The following DGAT2 variants were observed in gnomAD, a reference collection of about 807,000 sequenced individuals.
The protein encoded by DGAT2 is diacylglycerol O-acyltransferase 2.
A neutral mutation model predicts 48.4 loss-of-function variants in DGAT2; 33 were observed. The ratio of observed to expected loss-of-function variants is 0.68; its 90% CI spans 0.52 to 0.91. DGAT2 has a LOEUF of 0.91. Ranked by LOEUF, DGAT2 falls within the 40% of genes least tolerant of loss-of-function variation. The pLI is 0.00. For synonymous variants in DGAT2, 191 were observed against 194.1 expected (o/e 0.98, Z 0.13); for missense variants, 446 against 493.7 (o/e 0.90, Z 0.92).
At chr11:75,798,155 A>G in intron 6 of DGAT2, 72 bp from the exon 7 acceptor site, 1 of 1,522,924 alleles carries the variant, frequency 6.6e-7, no homozygotes, top group Non-Finnish European at 9.0e-7. Context: ...GCCAGTGTCC[A>G]GGGCCTCTAG....
chr11:75,788,275 G>A (rs1490336249), intron 2 of DGAT2, among the ~76,000 whole-genome samples: 4 of 152,170 alleles, frequency 2.6e-5, no homozygotes, highest in African/African-American at 9.7e-5. Flanking sequence ...GCAGACTGCT[G>A]AACAGTAAGT....
intron 7 of DGAT2, 139 bp downstream of exon 7, chr11:75,798,568 G>A: frequency 1.0e-6 from 1 of 970,634 alleles, no homozygotes; most frequent in Non-Finnish European, 1.5e-6. Flanking sequence ...TTGAAGTGTT[G>A]GGTGCTGATA....
At chr11:75,794,950 G>A (rs1201160111) in intron 4 of DGAT2, 4 of 71,084 alleles carry the variant, frequency 5.6e-5, no homozygotes, top group Admixed American at 2.3e-4. Flanking sequence ...CCCCTCCTCC[G>A]TTCCTCTCCC....
chr11:75,797,825 G>A (rs1195906260), intron 6 of DGAT2, among the ~76,000 whole-genome samples: 4 of 152,180 alleles, frequency 2.6e-5, no homozygotes, highest in Admixed American at 2.0e-4. Flanking sequence ...GGTGGGGGAG[G>A]GTAGAGGGAT....
At position 75,769,113 on chromosome 11, in the gene DGAT2, GT is replaced by G. The variant is rs1944730684; in HGVS notation, c.121+2del. 1 of 1,563,046 alleles carries G rather than the reference GT, an allele frequency of 6.4e-7. No homozygotes were observed. The highest frequency in any genetic ancestry group is 2.0e-5 in the Admixed American group (1 of 50,508). The stretch of plus-strand genomic sequence containing the variant: ...TCGCGCGAGGGGTCTGGGAGATGGG[GT>G]GAGTGCCACGGCGCAGGGGTTATGG... On this transcript the variant is annotated splice_donor_variant, in intron 1 of 7. Coordinates refer to ENST00000228027, the MANE Select transcript of DGAT2 (RefSeq NM_032564.5). LOFTEE classifies it high-confidence loss of function.
At chr11:75,782,651 G>A (rs1944878865) in intron 1 of DGAT2, among the ~76,000 whole-genome samples, 1 of 152,220 alleles carries the variant, frequency 6.6e-6, no homozygotes, top group Non-Finnish European at 1.5e-5. Flanking sequence ...TGTAGGTGAA[G>A]GTGAAAGGTT....
In DGAT2 at chr11:75,798,768, T is replaced by C. The variant is rs10082621; in HGVS notation, c.1012+339T>C. On this transcript the variant is annotated intron_variant, in intron 7 of 7. Transcript: ENST00000228027. ...GATGCGCAGGTGCTCTAGGGAGTCA[T>C]AGCGGACCCCAGGGAGGAGGTAACT... 7.2e-3 allele frequency among the ~76,000 whole-genome samples: 1,101 copies of C among 152,274 alleles called. 12 individuals are homozygous for C. The highest frequency in any genetic ancestry group is 0.025 in the African/African-American group (1,055 of 41,564).
intron 4 of DGAT2, chr11:75,793,223 ATCCTTCCCC>A (rs1402927179): frequency 2.6e-5 from 4 of 152,276 alleles, no homozygotes; most frequent in Non-Finnish European, 4.4e-5. Context: ...CATTGGCGGT[ATCCTTCCCC>A]TCCTTCCAGA....
intron 1 of DGAT2, chr11:75,777,032 G>A (rs865976484): frequency 6.6e-6 from 1 of 152,358 alleles, no homozygotes. Context: ...GCTCTTTGGG[G>A]GTAACTTGGG....
intron 1 of DGAT2, among the ~76,000 whole-genome samples, chr11:75,770,917 G>C (rs1252752017): frequency 1.3e-5 from 2 of 152,114 alleles, no homozygotes; most frequent in East Asian, 3.8e-4. Flanking sequence ...AGATTGGGTG[G>C]AGTAGGGGAG....
At chr11:75,799,502 C>T (rs546925962) in intron 7 of DGAT2, among the ~76,000 whole-genome samples, 3 of 151,980 alleles carry the variant, frequency 2.0e-5, no homozygotes, top group Admixed American at 6.6e-5. Context: ...ATTGGCAGGA[C>T]ATAGGAATGG....
intron 6 of DGAT2, among the ~76,000 whole-genome samples, chr11:75,797,985 G>C (rs1292948582): frequency 6.6e-6 from 1 of 152,200 alleles, no homozygotes; most frequent in East Asian, 1.9e-4. Flanking sequence ...AGAGCAGGGC[G>C]CTCAGCCTTC....
At chr11:75,790,422 T>G in intron 3 of DGAT2, 127 bp downstream of exon 3, 1 of 892,094 alleles carries the variant, frequency 1.1e-6, no homozygotes, top group Non-Finnish European at 1.8e-6. Context: ...ACTGGACTAG[T>G]CCTTTTGGGG....
At chr11:75,770,175 T>C (rs1007189099) in intron 1 of DGAT2, among the ~76,000 whole-genome samples, 4 of 152,232 alleles carry the variant, frequency 2.6e-5, no homozygotes, top group African/African-American at 9.6e-5. Context: ...TTATGAATCT[T>C]GTTTTCTCCC....
chr11:75,794,723 T>C (rs1238850546), intron 4 of DGAT2: 1 of 152,084 alleles, frequency 6.6e-6, no homozygotes, highest in African/African-American at 2.4e-5. Context: ...TGGTAGAAAA[T>C]GATATAAAAA....
intron 4 of DGAT2, among the ~76,000 whole-genome samples, chr11:75,791,729 G>A (rs182762183): frequency 6.6e-5 from 10 of 152,250 alleles, no homozygotes; most frequent in East Asian, 1.9e-4. Context: ...CCTCTCCCCC[G>A]TTGCTGCTGG....
intron 2 of DGAT2, among the ~76,000 whole-genome samples, chr11:75,789,479 T>A (rs1027305516): frequency 2.0e-5 from 3 of 152,174 alleles, no homozygotes; most frequent in Non-Finnish European, 4.4e-5. Context: ...GGGAGGCTGA[T>A]GGGCTCTGCG....
At chr11:75,794,858 A>G (rs1050224416) in intron 4 of DGAT2, 4 of 151,660 alleles carry the variant, frequency 2.6e-5, no homozygotes, top group African/African-American at 9.7e-5. Context: ...GATTTTTTAA[A>G]TTTTCTTTTT....
chr11:75,783,266 C>G (rs1351607746), intron 1 of DGAT2, among the ~76,000 whole-genome samples: 4 of 152,218 alleles, frequency 2.6e-5, no homozygotes, highest in African/African-American at 9.6e-5. Flanking sequence ...TTCTGCTAAA[C>G]TAAGCCCTTT....
Sources: allele counts gnomAD v4.1 joint callset (sites outside exome capture counted in the v4.1 genomes callset), GRCh38; gene constraint gnomAD v4.1.1; transcripts MANE v1.5; gene names NCBI Gene and HGNC (gene_info 2026-07-23, HGNC 2026-07-21).